The following TAFA5 variants were observed in gnomAD, a reference collection of about 807,000 sequenced individuals.
The protein encoded by TAFA5 is chemokine-like protein TAFA-5.
In TAFA5, 6 loss-of-function variants were observed where a neutral mutation model predicts 15.3. The ratio of observed to expected loss-of-function variants is 0.39; its 90% CI spans 0.21 to 0.77. The LOEUF (loss-of-function observed/expected upper bound fraction) is 0.77, where lower values mean the gene tolerates loss of function less well. TAFA5 is among the 30% of genes least tolerant of loss of function. The pLI, the probability that TAFA5 is intolerant of heterozygous loss-of-function variation, is 0.41. For synonymous variants in TAFA5, 103 were observed against 80.7 expected, an observed-to-expected ratio of 1.28 and a Z score of -1.48; for missense variants, 161 against 193.1, an observed-to-expected ratio of 0.83 and a Z score of 0.98.
At chr22:48,644,973 G>A (rs1303004356) in intron 1 of TAFA5, among the ~76,000 whole-genome samples, 1 of 152,254 alleles carries the variant, frequency 6.6e-6, no homozygotes, top group Non-Finnish European at 1.5e-5. Context: ...CTCTGATGCT[G>A]CGGCCATCTC....
chr22:48,727,961 A>C (rs893318719), intron 3 of TAFA5, among the ~76,000 whole-genome samples: 1 of 152,238 alleles, frequency 6.6e-6, no homozygotes, highest in Non-Finnish European at 1.5e-5. Flanking sequence ...TTATATGATC[A>C]GAAACAATTT....
At chr22:48,740,973 C>T (rs1930163272) in intron 3 of TAFA5, among the ~76,000 whole-genome samples, 1 of 152,164 alleles carries the variant, frequency 6.6e-6, no homozygotes. Context: ...CGAGTCAGCG[C>T]TCAGGGAGGC....
intron 3 of TAFA5, among the ~76,000 whole-genome samples, chr22:48,710,017 ACACT>A (rs894885903): frequency 3.9e-5 from 6 of 152,232 alleles, no homozygotes; most frequent in African/African-American, 9.6e-5. Flanking sequence ...GGCATTGGGC[ACACT>A]CACAGTGCTG....
intron 3 of TAFA5, among the ~76,000 whole-genome samples, chr22:48,743,224 C>CG (rs1002995708): frequency 2.0e-5 from 3 of 150,202 alleles, no homozygotes; most frequent in African/African-American, 7.4e-5. Context: ...TCTTCCGGTT[C>CG]GGGGGTCCAG....
At chr22:48,681,784 C>G (rs992377521) in intron 2 of TAFA5, among the ~76,000 whole-genome samples, 1 of 152,166 alleles carries the variant, frequency 6.6e-6, no homozygotes, top group African/African-American at 2.4e-5. Context: ...GTCTGTCCTT[C>G]TTGCACACAC....
chr22:48,678,343 C>G (rs777713602), intron 2 of TAFA5, among the ~76,000 whole-genome samples: 2 of 152,216 alleles, frequency 1.3e-5, no homozygotes, highest in Non-Finnish European at 2.9e-5. Context: ...TACAGGCAGC[C>G]AGCCGAGCCA....
chr22:48,660,847 A>C (rs1264442016), intron 2 of TAFA5, among the ~76,000 whole-genome samples: 1 of 151,664 alleles, frequency 6.6e-6, no homozygotes. Context: ...GGGAGCAGAC[A>C]CTCTCAGAGC....
intron 1 of TAFA5, among the ~76,000 whole-genome samples, chr22:48,638,124 T>G (rs542136207): frequency 6.6e-6 from 1 of 152,104 alleles, no homozygotes; most frequent in South Asian, 2.1e-4. Flanking sequence ...AGGTGTGTCC[T>G]GTCACCACGT....
chr22:48,516,397 C>T (rs145170118), intron 1 of TAFA5, among the ~76,000 whole-genome samples: 2,390 of 152,102 alleles, frequency 0.016, 28 homozygotes, highest in Non-Finnish European at 0.025. Context: ...CTCGGGGCCG[C>T]GTGGTTTTGG....
intron 2 of TAFA5, among the ~76,000 whole-genome samples, chr22:48,688,788 C>T (rs5771720): frequency 6.6e-6 from 1 of 152,030 alleles, no homozygotes; most frequent in Non-Finnish European, 1.5e-5. Context: ...GTCAGGAGTT[C>T]GAGATCAGCC....
chr22:48,650,796 C>G (rs999199590), intron 2 of TAFA5, among the ~76,000 whole-genome samples: 2 of 150,346 alleles, frequency 1.3e-5, no homozygotes, highest in Admixed American at 6.9e-5. Context: ...GTATCAGCCA[C>G]CGAGCCTCCC....
At position 48,750,137 on chromosome 22, in the gene TAFA5, T is replaced by C; in HGVS notation, c.*290T>C. The C allele has an allele frequency of 2.0e-6, 1 of 500,854 alleles. No homozygotes were observed. Among genetic ancestry groups the C allele is most frequent in the South Asian group, 2.3e-5 (1 of 42,900 alleles). The allele number at this position is 500,854 out of a possible 1,614,324, so 31.0% of individuals were successfully genotyped here. On this transcript the variant is annotated 3_prime_UTR_variant, in exon 4 of 4. Coordinates refer to ENST00000402357, the MANE Select transcript of TAFA5 (RefSeq NM_001082967.3). ...CGCCCAGCCCCCGCCGACCGTGGCGTTGGCCCTGCTGTCCTCAGAGGAGGA... is the reference window on the plus strand; with the variant it reads ...CGCCCAGCCCCCGCCGACCGTGGCGCTGGCCCTGCTGTCCTCAGAGGAGGA...
At chr22:48,694,578 C>T (rs1476036121) in intron 2 of TAFA5, among the ~76,000 whole-genome samples, 1 of 152,044 alleles carries the variant, frequency 6.6e-6, no homozygotes, top group Non-Finnish European at 1.5e-5. Flanking sequence ...TCCGCTCACC[C>T]CAAAAGCCTC....
chr22:48,534,811 C>T (rs753570179), intron 1 of TAFA5, among the ~76,000 whole-genome samples: 11 of 152,080 alleles, frequency 7.2e-5, no homozygotes, highest in East Asian at 1.9e-4. Flanking sequence ...GTCAGGGACA[C>T]GGGGCTGGGA....
intron 1 of TAFA5, among the ~76,000 whole-genome samples, chr22:48,569,972 G>A (rs568980533): frequency 1.9e-4 from 29 of 152,356 alleles, no homozygotes; most frequent in African/African-American, 6.0e-4. Context: ...ACACATAGCC[G>A]CGGTGCCAGA....
At chr22:48,597,026 C>T (rs1005729667) in intron 1 of TAFA5, among the ~76,000 whole-genome samples, 5 of 152,170 alleles carry the variant, frequency 3.3e-5, no homozygotes, top group Non-Finnish European at 7.3e-5. Flanking sequence ...TAGCTGGTCT[C>T]GAACTCCTAG....
At position 48,615,629 on chromosome 22, in the gene TAFA5, TC is replaced by T. The variant is rs568089759; in HGVS notation, c.113-30967del. On this transcript the variant is annotated intron_variant, in intron 1 of 3. Transcript: ENST00000402357. ...TATGAGGACATCCCCCACGGGTCCT[TC>T]TGGCCCCTGTTCCACATGAAGGGCA... Among the ~76,000 whole-genome samples, 9 of 152,198 alleles carry T rather than the reference TC, an allele frequency of 5.9e-5. No individual in the cohort carries two copies. In the South Asian group the frequency reaches 1.9e-3, roughly 31 times the overall value.
Position 48,566,171 on chromosome 22 carries a change from G to C in TAFA5, c.112+76467G>C, listed in dbSNP as rs772229901. On this transcript the variant is annotated intron_variant, in intron 1 of 3. Coordinates refer to ENST00000402357, the MANE Select transcript of TAFA5 (RefSeq NM_001082967.3). This position sits in a 1 kb window ranked among gnomAD's most constrained non-coding sequence, Gnocchi z 4.5. ...GGTGGACAATGAATGGATGGTGATG[G>C]GTGGATGGATGGTGGATGGATGGGT... 2.6e-5 allele frequency among the ~76,000 whole-genome samples: 4 copies of C among 151,856 alleles called. No individual in the cohort carries two copies. Among genetic ancestry groups the C allele is most frequent in the Admixed American group, 2.0e-4 (3 of 15,242 alleles).
At chr22:48,605,269 G>T (rs1211103536) in intron 1 of TAFA5, among the ~76,000 whole-genome samples, 1 of 147,666 alleles carries the variant, frequency 6.8e-6, no homozygotes, top group Non-Finnish European at 1.5e-5. Context: ...TGATGGTGAG[G>T]ATGATGGTGA....
Sources: gnomAD v4.1 joint callset for allele counts (sites outside exome capture counted in the v4.1 genomes callset) on GRCh38, gnomAD v4.1.1 for gene constraint, Gnocchi (gnomAD v3.1) non-coding constraint, MANE v1.5 for transcripts, NCBI Gene and HGNC (gene_info 2026-07-23, HGNC 2026-07-21) for gene names.